PTGER3: variants seen among roughly 807,000 people sequenced by gnomAD.
PTGER3 encodes prostaglandin E receptor 3, also known as prostaglandin E2 receptor EP3 subtype.
PTGER3 carries 22 observed loss-of-function variants against 34.7 expected under a neutral mutation model. The ratio of observed to expected loss-of-function variants is 0.63; its 90% confidence interval spans 0.45 to 0.91. The LOEUF (loss-of-function observed/expected upper bound fraction) is 0.91, where lower values mean the gene tolerates loss of function less well. PTGER3 is among the 40% of genes least tolerant of loss of function. The pLI is 0.00. For synonymous variants in PTGER3, 241 were observed against 230.1 expected, an observed-to-expected ratio of 1.05 and a Z score of -0.43; for missense variants, 468 against 519.4, an observed-to-expected ratio of 0.90 and a Z score of 0.96.
At chr1:71,036,897 G>C (rs181783741) in intron 1 of PTGER3, among the ~76,000 whole-genome samples, 1 of 152,080 alleles carries the variant, frequency 6.6e-6, no homozygotes, top group African/African-American at 2.4e-5. Context: ...GTACCACCCA[G>C]AGCCTAATGA....
intron 2 of PTGER3, chr1:71,007,491 A>G (rs1251201588): frequency 3.0e-6 from 3 of 985,304 alleles, no homozygotes; most frequent in Non-Finnish European, 3.6e-6. Flanking sequence ...TCAAGTGTTC[A>G]AAGATAAATG....
chr1:70,890,713 A>G (rs925373809), intron 4 of PTGER3, among the ~76,000 whole-genome samples: 3 of 152,132 alleles, frequency 2.0e-5, no homozygotes, highest in African/African-American at 4.8e-5. Flanking sequence ...TCCCTGACCT[A>G]TCCTTCATGG....
At chr1:71,009,196 T>C (rs1187564251) in intron 2 of PTGER3, 1 of 985,324 alleles carries the variant, frequency 1.0e-6, no homozygotes. Flanking sequence ...ATTAAAATAC[T>C]GTTTGCCAGT....
At chr1:70,860,518 A>G (rs2100473513) in intron 4 of PTGER3, among the ~76,000 whole-genome samples, 1 of 152,272 alleles carries the variant, frequency 6.6e-6, no homozygotes, top group East Asian at 1.9e-4. Context: ...AAATGGATGT[A>G]TAGCTTACAT....
Position 71,008,925 on chromosome 1 carries a change from G to A in PTGER3, c.1077+3380C>T, listed in dbSNP as rs1395731561. ...GCTCCTAGAATCCTGTGTATTGCAG[G>A]AGAAGCTTTTGGGGTTAAATTATGA... On this transcript the variant is annotated intron_variant, in intron 2 of 3. Coordinates refer to ENST00000306666, the MANE Select transcript of PTGER3 (RefSeq NM_198719.2). The A allele has an allele frequency of 1.9e-5, 19 of 981,100 alleles. No homozygotes were observed. In the East Asian group the frequency reaches 2.0e-3, roughly 106 times the overall value. 60.8% of individuals were successfully genotyped at this position (981,100 alleles called of 1,614,324 possible).
chr1:70,886,887 T>C (rs1646509809), intron 4 of PTGER3, among the ~76,000 whole-genome samples: 1 of 152,188 alleles, frequency 6.6e-6, no homozygotes, highest in Non-Finnish European at 1.5e-5. Flanking sequence ...TCAAGGTTTG[T>C]TTGACCCCAT....
At chr1:70,932,557 A>G (rs369579093) in intron 4 of PTGER3, among the ~76,000 whole-genome samples, 4 of 152,292 alleles carry the variant, frequency 2.6e-5, no homozygotes, top group South Asian at 2.1e-4. Context: ...TGCTTCTTAC[A>G]TGGTGGCGGC....
intron 4 of PTGER3, among the ~76,000 whole-genome samples, chr1:70,913,742 G>A (rs145753388): frequency 9.1e-4 from 138 of 151,672 alleles, no homozygotes; most frequent in African/African-American, 3.1e-3. Context: ...AAAATTATGT[G>A]GTTTTTCTTC....
At chr1:71,009,168 CCA>C in intron 2 of PTGER3, 1 of 985,144 alleles carries the variant, frequency 1.0e-6, no homozygotes, top group Non-Finnish European at 1.2e-6. Context: ...TAGAATACTG[CCA>C]CAGAGTGACC....
chr1:70,904,873 C>A (rs2100355761), intron 4 of PTGER3, among the ~76,000 whole-genome samples: 1 of 152,250 alleles, frequency 6.6e-6, no homozygotes, highest in African/African-American at 2.4e-5. Flanking sequence ...TAATCCCCAA[C>A]ATGATGGGGA....
intron 4 of PTGER3, among the ~76,000 whole-genome samples, chr1:70,875,662 C>G (rs1274366137): frequency 6.6e-6 from 1 of 152,080 alleles, no homozygotes; most frequent in Non-Finnish European, 1.5e-5. Flanking sequence ...CCTGATATTC[C>G]TTTCTTTATG....
At chr1:71,003,423 T>A (rs7537324) in intron 2 of PTGER3, among the ~76,000 whole-genome samples, 28,273 of 152,204 alleles carry the variant, frequency 0.19, 3,163 homozygotes, top group East Asian at 0.44. Context: ...TTTTTATTGA[T>A]TTTTTAAATA....
chr1:70,892,217 G>T (rs1646632720), intron 4 of PTGER3, among the ~76,000 whole-genome samples: 1 of 152,322 alleles, frequency 6.6e-6, no homozygotes, highest in Admixed American at 6.5e-5. Context: ...ATGAGCTGTT[G>T]CTTTGGGGCA....
At chr1:71,028,858 A>G (rs192232986) in intron 1 of PTGER3, among the ~76,000 whole-genome samples, 58 of 152,342 alleles carry the variant, frequency 3.8e-4, no homozygotes, top group African/African-American at 1.4e-3. Context: ...AGAATAAAGA[A>G]AAATATGCAC....
intron 2 of PTGER3, among the ~76,000 whole-genome samples, chr1:70,989,482 G>T (rs536549911): frequency 6.6e-6 from 1 of 152,126 alleles, no homozygotes; most frequent in Admixed American, 6.5e-5. Flanking sequence ...TCATGGTTCT[G>T]CAGGATAATT....
intron 2 of PTGER3, among the ~76,000 whole-genome samples, chr1:70,979,154 G>A (rs917736519): frequency 7.2e-5 from 11 of 152,204 alleles, no homozygotes; most frequent in Admixed American, 5.9e-4. Context: ...AGATTTTCAC[G>A]TTTCTGTTTG....
At chr1:70,984,303 C>A (rs1242962876) in intron 2 of PTGER3, among the ~76,000 whole-genome samples, 2 of 151,620 alleles carry the variant, frequency 1.3e-5, no homozygotes, top group African/African-American at 4.9e-5. Context: ...ACAAGAATCG[C>A]TTGAACCAGA....
intron 2 of PTGER3, among the ~76,000 whole-genome samples, chr1:70,981,289 TCTCTTC>T (rs1183501812): frequency 1.1e-5 from 1 of 93,090 alleles, no homozygotes; most frequent in African/African-American, 4.0e-5. Context: ...TTTCTCTCTC[TCTCTTC>T]CTTCCTTCCT....
intron 4 of PTGER3, among the ~76,000 whole-genome samples, chr1:70,853,978 A>G (rs191164708): frequency 1.6e-4 from 24 of 152,334 alleles, no homozygotes; most frequent in Admixed American, 1.2e-3. Flanking sequence ...TAAACTCAAA[A>G]TGAATTAAAG....
Sources: allele counts gnomAD v4.1 joint callset (sites outside exome capture counted in the v4.1 genomes callset), GRCh38; gene constraint gnomAD v4.1.1; transcripts MANE v1.5; gene names NCBI Gene and HGNC (gene_info 2026-07-23, HGNC 2026-07-21).